The following HGSNAT variants were observed in gnomAD, a reference collection of about 807,000 sequenced individuals.
HGSNAT encodes the protein heparan-alpha-glucosaminide N-acetyltransferase.
In HGSNAT, 59 loss-of-function variants were observed where a neutral mutation model predicts 85.2. The observed-to-expected ratio is 0.69, with a 90% CI of 0.56 to 0.86. The LOEUF (loss-of-function observed/expected upper bound fraction) is 0.86. Among genes scored for constraint, HGSNAT ranks in the 40% least tolerant of loss-of-function variants. HGSNAT has a pLI of 0.00. For missense variants in HGSNAT, 756 were observed against 777.1 expected (o/e 0.97, Z 0.32); for synonymous variants, 321 against 304.5 (o/e 1.05, Z -0.56).
chr8:43,167,242 T>C (rs1436816347), intron 5 of HGSNAT, among the ~76,000 whole-genome samples: 2 of 152,208 alleles, frequency 1.3e-5, no homozygotes, highest in Non-Finnish European at 2.9e-5. Flanking sequence ...TTTGAGACGA[T>C]TGACTCTAAT....
rs1446334240 is a variant in HGSNAT, at chr8:43,178,162, A to G, written c.940A>G (p.Ile314Val). Residue 314 changes from isoleucine (I) to valine (V), a missense_variant, in exon 10 of 18, where the codon ATT becomes GTT. Transcript: ENST00000379644. The stretch of plus-strand genomic sequence containing the variant: ...TTCAAAATTCAGATTGCTGGGGAAG[A>G]TTGCATGGAGGAGTTTCCTGTTAAT... ...GCSKFRLLGK[I>V]AWRSFLLICI... The G allele has an allele frequency of 4.4e-6, 7 of 1,604,706 alleles. No homozygotes were observed. The highest frequency in any genetic ancestry group is 1.3e-5 in the African/African-American group (1 of 74,404).
At chr8:43,178,866 A>G (rs865822012) in intron 10 of HGSNAT, among the ~76,000 whole-genome samples, 9 of 141,746 alleles carry the variant, frequency 6.3e-5, no homozygotes, top group East Asian at 2.1e-4. Context: ...ATCTTGCACC[A>G]CCCTTAATCC....
chr8:43,173,991 G>C (rs925120129), intron 9 of HGSNAT: 43 of 297,238 alleles, frequency 1.4e-4, no homozygotes, highest in Non-Finnish European at 2.6e-4. Flanking sequence ...TGAGGCAGGC[G>C]AATTACCTGA....
At chr8:43,148,854 C>T (rs1244568854) in intron 2 of HGSNAT, among the ~76,000 whole-genome samples, 2 of 150,922 alleles carry the variant, frequency 1.3e-5, no homozygotes, top group African/African-American at 2.4e-5. Flanking sequence ...CACGGTGGCT[C>T]ACTCTTATAA....
intron 1 of HGSNAT, among the ~76,000 whole-genome samples, chr8:43,143,541 CTTT>C (rs906460660): frequency 2.8e-5 from 4 of 143,012 alleles, no homozygotes; most frequent in Non-Finnish European, 3.1e-5. Context: ...TTCTTTCTTT[CTTT>C]TTTTTTTTTT....
intron 1 of HGSNAT, among the ~76,000 whole-genome samples, chr8:43,142,053 T>C (rs1029082201): frequency 3.3e-5 from 5 of 152,106 alleles, no homozygotes; most frequent in African/African-American, 1.2e-4. Context: ...TCCTTCTTTT[T>C]GAAAATTCAG....
intron 2 of HGSNAT, among the ~76,000 whole-genome samples, chr8:43,158,255 C>A (rs556431389): frequency 1.3e-5 from 2 of 152,076 alleles, no homozygotes; most frequent in African/African-American, 2.4e-5. Flanking sequence ...TGTGCCACCA[C>A]GTCCAGCTAA....
At chr8:43,161,256 T>G (rs1803256428) in intron 4 of HGSNAT, among the ~76,000 whole-genome samples, 182 bp from the exon 5 acceptor site, 1 of 152,156 alleles carries the variant, frequency 6.6e-6, no homozygotes, top group Admixed American at 6.5e-5. Flanking sequence ...TGCTTTTGTT[T>G]ATGTTTGATA....
At chr8:43,142,343 G>A (rs2130659142) in intron 1 of HGSNAT, among the ~76,000 whole-genome samples, 1 of 152,268 alleles carries the variant, frequency 6.6e-6, no homozygotes, top group African/African-American at 2.4e-5. Flanking sequence ...GTCAGCTGCT[G>A]TGTGGGAAGG....
At chr8:43,192,270 T>A in intron 12 of HGSNAT, 34 bp from the exon 13 acceptor site, 1 of 1,586,900 alleles carries the variant, frequency 6.3e-7, no homozygotes, top group African/African-American at 1.3e-5. Context: ...CCTTATGAGG[T>A]CTTGTCATTT....
chr8:43,196,898 A>G, intron 14 of HGSNAT, 50 bp from the exon 15 acceptor site: 3 of 1,142,948 alleles, frequency 2.6e-6, no homozygotes, highest in Non-Finnish European at 3.9e-6. Flanking sequence ...ATATGAAATA[A>G]AAATATCCCT....
intron 8 of HGSNAT, among the ~76,000 whole-genome samples, chr8:43,173,470 C>A (rs560941132): frequency 2.0e-5 from 3 of 151,956 alleles, no homozygotes; most frequent in African/African-American, 7.3e-5. Flanking sequence ...CCACCACACC[C>A]GGCTAATTTT....
chr8:43,198,390 C>G (rs1316813067), intron 17 of HGSNAT, among the ~76,000 whole-genome samples: 5 of 150,648 alleles, frequency 3.3e-5, no homozygotes, highest in Non-Finnish European at 7.4e-5. Flanking sequence ...CAGGTTCACG[C>G]CATTCTCCTG....
chr8:43,140,664 T>A, intron 1 of HGSNAT, 50 bp downstream of exon 1: 1 of 966,904 alleles, frequency 1.0e-6, no homozygotes, highest in Non-Finnish European at 1.3e-6. Context: ...GCGCAGCGTC[T>A]CCTCTCCGCG....
chr8:43,169,545 C>T (rs146555992), intron 6 of HGSNAT, among the ~76,000 whole-genome samples: 2 of 152,316 alleles, frequency 1.3e-5, no homozygotes, highest in East Asian at 3.9e-4. Context: ...AAAGTTAAAA[C>T]AAAGAAATAA....
chr8:43,188,312 T>G (rs1050924509), intron 11 of HGSNAT, among the ~76,000 whole-genome samples: 2 of 152,216 alleles, frequency 1.3e-5, no homozygotes, highest in Non-Finnish European at 1.5e-5. Flanking sequence ...TTTCACATAG[T>G]CCCATATTTC....
chr8:43,194,641 CA>C (rs1804648714), intron 14 of HGSNAT: 7 of 395,638 alleles, frequency 1.8e-5, no homozygotes, highest in Non-Finnish European at 1.7e-5. Context: ...GCATGTCCTT[CA>C]GGGGGGACAA....
intron 4 of HGSNAT, among the ~76,000 whole-genome samples, chr8:43,160,092 C>T (rs952676001): frequency 6.6e-6 from 1 of 152,154 alleles, no homozygotes; most frequent in African/African-American, 2.4e-5. Flanking sequence ...TGAGCAAGGC[C>T]TGCCTTCCCA....
chr8:43,158,844 T>G (rs1803177657), intron 3 of HGSNAT, 79 bp from the exon 4 acceptor site: 1 of 1,520,846 alleles, frequency 6.6e-7, no homozygotes, highest in East Asian at 2.3e-5. Context: ...TGTATTATTC[T>G]GCCTCCATGA....
Sources: allele counts gnomAD v4.1 joint callset (sites outside exome capture counted in the v4.1 genomes callset), GRCh38; gene constraint gnomAD v4.1.1; transcripts MANE v1.5; gene names NCBI Gene and HGNC (gene_info 2026-07-23, HGNC 2026-07-21).